Variants in USP14 observed in about 807,000 individuals in gnomAD.
USP14 encodes ubiquitin specific peptidase 14.
In USP14, 38 loss-of-function variants were observed where a neutral mutation model predicts 76.5. The observed-to-expected ratio is 0.50, with a 90% CI of 0.38 to 0.65. USP14 has a LOEUF of 0.65. USP14 is among the 30% of genes least tolerant of loss of function. The pLI is 0.00. For missense variants in USP14, 467 were observed against 586.5 expected (o/e 0.80, Z 2.10); for synonymous variants, 192 against 191.7 (o/e 1.00, Z -0.01).
chr18:163,153 C>A, intron 1 of USP14, 155 bp from the exon 2 acceptor site: 1 of 585,672 alleles, frequency 1.7e-6, no homozygotes, highest in Non-Finnish European at 2.9e-6. Context: ...GCACCTACTG[C>A]ATGCATGCTC....
intron 5 of USP14, 43 bp downstream of exon 5, chr18:180,382 G>T: frequency 8.4e-7 from 1 of 1,195,070 alleles, no homozygotes; most frequent in Non-Finnish European, 1.2e-6. Flanking sequence ...TTCACATTTG[G>T]ATGAGTAGTA....
chr18:189,491 G>GTT (rs36067290), intron 5 of USP14, among the ~76,000 whole-genome samples: 2 of 147,128 alleles, frequency 1.4e-5, no homozygotes, highest in African/African-American at 5.0e-5. Flanking sequence ...TTTTTTCTTT[G>GTT]TTTTTTTTTT....
rs1373308776 is a variant in USP14, at chr18:214,463, T to G, written c.*3179T>G. On this transcript the variant is annotated 3_prime_UTR_variant, in exon 16 of 16. Transcript: ENST00000261601. ...ATCTCAACCCAACCTCCCCAAACTC[T>G]GGTTTGAGCCAATATGTGTTCTATT... 1 of 605,916 alleles carries G rather than the reference T, an allele frequency of 1.7e-6. No individual in the cohort carries two copies. The highest frequency in any genetic ancestry group is 1.9e-5 in the African/African-American group (1 of 54,032). 37.5% of individuals were successfully genotyped at this position (605,916 alleles called of 1,614,324 possible).
At chr18:176,272 T>A (rs974388768) in intron 3 of USP14, among the ~76,000 whole-genome samples, 2 of 152,158 alleles carry the variant, frequency 1.3e-5, no homozygotes, top group Non-Finnish European at 2.9e-5. Flanking sequence ...TTTTATATAA[T>A]CATATTTTGT....
chr18:184,509 TTTGGGAG>T (rs1909875328), intron 5 of USP14, among the ~76,000 whole-genome samples: 1 of 152,150 alleles, frequency 6.6e-6, no homozygotes, highest in Non-Finnish European at 1.5e-5. Flanking sequence ...ATCCCAGTAC[TTTGGGAG>T]GCCGAGGCAG....
In USP14 at chr18:213,975, T is replaced by TAGATAGATAGATAGATAGATAGATAGA. The variant is rs1555603829; in HGVS notation, c.*2691_*2692insAGATAGATAGATAGATAGATAGATAGA. 3.9e-4 allele frequency: 58 copies of TAGATAGATAGATAGATAGATAGATAGA among 150,218 alleles called. No homozygotes were observed. The highest frequency in any genetic ancestry group is 1.8e-3 in the Admixed American group (27 of 15,054). The allele number at this position is 150,218 out of a possible 1,614,324, so 9.3% of individuals were successfully genotyped here. A position where few individuals can be genotyped will look rare whatever the true frequency, so the allele number is the denominator to read the frequency against. On this transcript the variant is annotated 3_prime_UTR_variant, in exon 16 of 16. Transcript: ENST00000261601. Reference sequence around the variant, plus strand: ...TTCTGTAATGGACAAGATAGATAGATTAGATAGATAGATAGATAGATAGAT... The same window carrying TAGATAGATAGATAGATAGATAGATAGA: ...TTCTGTAATGGACAAGATAGATAGATAGATAGATAGATAGATAGATAGATAGATAGATAGATAGATAGATAGATAGAT...
rs777659595 is a variant in USP14 at position 210,447 on chromosome 18, G to A, written c.1287G>A (p.Arg429=). The change falls in exon 15 of 16, where the codon AGG becomes AGA. Residue 429 remains arginine, a synonymous_variant. Transcript: ENST00000261601. The part of the protein sequence containing the change: ...DLQAVLTHQG[R]SSSSGHYVSW... ...AAGCAGTACTAACACACCAGGGAAG[G>A]TCTAGTTCTTCAGGTCATTATGTAT... 3 of 1,612,114 alleles carry A rather than the reference G, an allele frequency of 1.9e-6. No homozygotes were observed. The highest frequency in any genetic ancestry group is 2.2e-5 in the East Asian group (1 of 44,720).
intron 13 of USP14, among the ~76,000 whole-genome samples, chr18:206,345 A>G (rs1479623842): frequency 6.6e-6 from 1 of 152,104 alleles, no homozygotes; most frequent in Non-Finnish European, 1.5e-5. Context: ...TGCTATCTGT[A>G]TATCCTCTTT....
rs566844486 is a variant in USP14 at position 171,194 on chromosome 18, A to C, written c.195+4375A>C. 1.2e-4 allele frequency among the ~76,000 whole-genome samples: 18 copies of C among 151,916 alleles called. No homozygotes were observed. The South Asian group carries it at 3.8e-3, about 32-fold the overall frequency. ...CCAGAAGATCTAGCTAAGATTGTTGATGAAGGTAGCTACACTATACAACAG... is the reference window on the plus strand; with the variant it reads ...CCAGAAGATCTAGCTAAGATTGTTGCTGAAGGTAGCTACACTATACAACAG... On this transcript the variant is annotated intron_variant, in intron 3 of 15. Transcript: ENST00000261601.
intron 1 of USP14, 129 bp downstream of exon 1, chr18:158,843 G>A: frequency 8.0e-7 from 1 of 1,243,930 alleles, no homozygotes; most frequent in South Asian, 3.0e-5. Flanking sequence ...GGGGCCGGCG[G>A]CGCGGAGATG....
intron 6 of USP14, among the ~76,000 whole-genome samples, chr18:193,896 G>T (rs185636986): frequency 6.6e-6 from 1 of 152,258 alleles, no homozygotes; most frequent in East Asian, 1.9e-4. Flanking sequence ...TGACAGTCGT[G>T]TACAAGTCTT....
At chr18:189,617 G>A (rs1222964171) in intron 5 of USP14, among the ~76,000 whole-genome samples, 1 of 152,016 alleles carries the variant, frequency 6.6e-6, no homozygotes, top group South Asian at 2.1e-4. Flanking sequence ...TGAGTAGCTG[G>A]GACTACAGGC....
At chr18:187,351 A>G (rs1197921060) in intron 5 of USP14, among the ~76,000 whole-genome samples, 2 of 152,152 alleles carry the variant, frequency 1.3e-5, no homozygotes, top group South Asian at 4.1e-4. Context: ...GTGTGTAGTA[A>G]TGCATACTTC....
Position 210,477 on chromosome 18 carries a change from G to A in USP14, c.1317G>A (p.Trp439Ter). The A allele has an allele frequency of 6.2e-7, 1 of 1,605,958 alleles. No individual in the cohort carries two copies. The highest frequency in any genetic ancestry group is 8.5e-7 in the Non-Finnish European group (1 of 1,174,820). Residue 439 changes from tryptophan to a stop codon, truncating the protein, a stop_gained, in exon 15 of 16, where the codon TGG becomes TGA. Transcript: ENST00000261601. LOFTEE classifies it high-confidence loss of function. ...GTTCTTCAGGTCATTATGTATCATG[G>A]GTGAAAAGGAAACAAGGTAAAGGGT... ...RSSSSGHYVS[W>*]VKRKQDEWIK...
At position 175,351 on chromosome 18, in the gene USP14, C is replaced by T. The variant is rs189310678; in HGVS notation, c.196-3582C>T. On this transcript the variant is annotated intron_variant, in intron 3 of 15. Transcript: ENST00000261601. ...TGGACATCATTGCCTTTTTCCTGACCTTAGGGGAAAAGCCTCCAGTCATGG... is the reference window on the plus strand; with the variant it reads ...TGGACATCATTGCCTTTTTCCTGACTTTAGGGGAAAAGCCTCCAGTCATGG... 4.6e-3 allele frequency among the ~76,000 whole-genome samples: 697 copies of T among 152,082 alleles called. 5 individuals carry two copies. Among genetic ancestry groups the T allele is most frequent in the Non-Finnish European group, 7.7e-3 (521 of 68,002 alleles).
In USP14 at chr18:211,430, G is replaced by C; in HGVS notation, c.*146G>C. The C allele has an allele frequency of 1.4e-6, 1 of 740,210 alleles. No individual in the cohort carries two copies. The highest frequency in any genetic ancestry group is 2.0e-6 in the Non-Finnish European group (1 of 494,766). 45.9% of individuals were successfully genotyped at this position (740,210 alleles called of 1,614,324 possible). Reference sequence around the variant, plus strand: ...AAAGAGGACAGAAGCAGACCACTCTGTGCACCAACCTAAAAAATTACAGAG... The same window carrying C: ...AAAGAGGACAGAAGCAGACCACTCTCTGCACCAACCTAAAAAATTACAGAG... On this transcript the variant is annotated 3_prime_UTR_variant, in exon 16 of 16. Transcript: ENST00000261601.
chr18:184,453 A>G lies in USP14; in HGVS notation c.404+4114A>G, dbSNP rs184891972. Among the ~76,000 whole-genome samples the G allele has an allele frequency of 1.5e-3, 221 of 152,308 alleles. 1 individual carries two copies. The highest frequency in any genetic ancestry group is 4.7e-3 in the African/African-American group (194 of 41,576). On this transcript the variant is annotated intron_variant, in intron 5 of 15. Coordinates refer to ENST00000261601, the MANE Select transcript of USP14 (RefSeq NM_005151.4). ...GCAGAACTTGTCTTTGGCAGGTTCT[A>G]TAGAGTGGGAGGTATGGGTCCCGAG...
At position 209,197 on chromosome 18, in the gene USP14, TTTC is replaced by T. The variant is rs564533726; in HGVS notation, c.1165-771_1165-769del. Among the ~76,000 whole-genome samples, 748 of 152,280 alleles carry T rather than the reference TTTC, an allele frequency of 4.9e-3. 3 individuals carry two copies. The highest frequency in any genetic ancestry group is 0.017 in the African/African-American group (715 of 41,552). On this transcript the variant is annotated intron_variant, in intron 13 of 15. Transcript: ENST00000261601. The stretch of plus-strand genomic sequence containing the variant: ...GTTTTACTTTATGTTTTTAAATGTG[TTTC>T]TTTGTATAGTTTTTTCAGTGATTGC...
intron 2 of USP14, among the ~76,000 whole-genome samples, chr18:164,149 T>C (rs1271630759): frequency 6.6e-6 from 1 of 152,248 alleles, no homozygotes. Flanking sequence ...TGTGAATTTT[T>C]TTTCCTATGA....
Sources: allele counts gnomAD v4.1 joint callset (sites outside exome capture counted in the v4.1 genomes callset), GRCh38; gene constraint gnomAD v4.1.1; transcripts MANE v1.5; gene names NCBI Gene and HGNC (gene_info 2026-07-23, HGNC 2026-07-21).